HS3ST1: variants seen among roughly 807,000 people sequenced by gnomAD.
The protein encoded by HS3ST1 is heparan sulfate-glucosamine 3-sulfotransferase 1, also known as heparan sulfate glucosamine 3-O-sulfotransferase 1.
Under a neutral mutation model 20.7 loss-of-function variants are expected in HS3ST1, and 8 were observed. The ratio of observed to expected loss-of-function variants is 0.39; its 90% CI spans 0.23 to 0.70. The LOEUF is 0.70. HS3ST1 is among the 30% of genes least tolerant of loss of function. The pLI is 0.46. For missense variants in HS3ST1, 436 were observed against 423.4 expected (o/e 1.03, Z -0.26); for synonymous variants, 205 against 190.4 (o/e 1.08, Z -0.63).
chr4:11,409,583 A>G (rs1718563614), intron 1 of HS3ST1, among the ~76,000 whole-genome samples: 1 of 152,238 alleles, frequency 6.6e-6, no homozygotes, highest in East Asian at 1.9e-4. Flanking sequence ...GGTTTCATGA[A>G]GAACCACTTC....
chr4:11,423,209 C>T (rs1284874257), intron 1 of HS3ST1, among the ~76,000 whole-genome samples: 4 of 151,928 alleles, frequency 2.6e-5, no homozygotes, highest in African/African-American at 7.3e-5. Context: ...TGGTTTTGTT[C>T]ATCAATGTAC....
In HS3ST1 at chr4:11,418,463, G is replaced by C. The variant is rs142953391; in HGVS notation, c.-109+10236C>G. On this transcript the variant is annotated intron_variant, in intron 1 of 1. Coordinates refer to ENST00000002596, the MANE Select transcript of HS3ST1 (RefSeq NM_005114.4). ...AGATAAGGCGACAAAGGTTCGATGAGGCAAAGTCATTTCCCTGTCATCAAA... is the reference window on the plus strand; with the variant it reads ...AGATAAGGCGACAAAGGTTCGATGACGCAAAGTCATTTCCCTGTCATCAAA... Among the ~76,000 whole-genome samples the C allele has an allele frequency of 1.7e-3, 264 of 152,288 alleles. 1 individual carries two copies. The highest frequency in any genetic ancestry group is 3.1e-3 in the Non-Finnish European group (208 of 68,028).
At position 11,393,320 on chromosome 4, in the gene HS3ST1, C is replaced by A. The variant is rs934061537; in HGVS notation, c.*5762G>T. On this transcript the variant is annotated 3_prime_UTR_variant, in exon 2 of 2. Transcript: ENST00000002596. ...GTAGTCCGATAAGCTAATAAAAGAG[C>A]CTACTACTTGGTAACAATTTCAGCC... 1 of 152,178 alleles carries A rather than the reference C, an allele frequency of 6.6e-6. No homozygotes were observed. Among genetic ancestry groups the A allele is most frequent in the African/African-American group, 2.4e-5 (1 of 41,438 alleles). 9.4% of individuals were successfully genotyped at this position (152,178 alleles called of 1,614,324 possible). A position where few individuals can be genotyped will look rare whatever the true frequency, so the allele number is the denominator to read the frequency against.
At chr4:11,416,231 C>T (rs1718778229) in intron 1 of HS3ST1, among the ~76,000 whole-genome samples, 2 of 152,168 alleles carry the variant, frequency 1.3e-5, no homozygotes, top group Admixed American at 1.3e-4. Flanking sequence ...TTCTGTTTAT[C>T]ATAGTGGTAC....
At chr4:11,420,500 C>T (rs919178035) in intron 1 of HS3ST1, among the ~76,000 whole-genome samples, 3 of 152,200 alleles carry the variant, frequency 2.0e-5, no homozygotes, top group Non-Finnish European at 4.4e-5. Flanking sequence ...CAGTGGAACG[C>T]TGTGTGACGC....
At chr4:11,403,539 T>C (rs1231575116) in intron 1 of HS3ST1, among the ~76,000 whole-genome samples, 1 of 152,220 alleles carries the variant, frequency 6.6e-6, no homozygotes, top group Non-Finnish European at 1.5e-5. Flanking sequence ...GACTTTTGGC[T>C]CCAGAAGTCC....
At chr4:11,427,410 C>G (rs1560238969) in intron 1 of HS3ST1, among the ~76,000 whole-genome samples, 1 of 152,036 alleles carries the variant, frequency 6.6e-6, no homozygotes, top group Non-Finnish European at 1.5e-5. Context: ...TCCTTCCGTT[C>G]TCGGCCACCC....
At position 11,417,147 on chromosome 4, in the gene HS3ST1, A is replaced by G. The variant is rs528564122; in HGVS notation, c.-109+11552T>C. Reference sequence around the variant, plus strand: ...TTTGGTACTACTTTCATTATTTAAAAAAACAAAAACTGAAAGGACAGCCAG... The same window carrying G: ...TTTGGTACTACTTTCATTATTTAAAGAAACAAAAACTGAAAGGACAGCCAG... On this transcript the variant is annotated intron_variant, in intron 1 of 1. Coordinates refer to ENST00000002596, the MANE Select transcript of HS3ST1 (RefSeq NM_005114.4). 3.3e-5 allele frequency among the ~76,000 whole-genome samples: 5 copies of G among 152,324 alleles called. No individual in the cohort carries two copies. In the East Asian group the frequency reaches 9.6e-4, roughly 29 times the overall value.
At chr4:11,404,757 A>G (rs906632777) in intron 1 of HS3ST1, among the ~76,000 whole-genome samples, 3 of 152,208 alleles carry the variant, frequency 2.0e-5, no homozygotes, top group Non-Finnish European at 4.4e-5. Context: ...AGAATTCTCT[A>G]TAGCACCTGG....
chr4:11,431,641 A>G (rs1338993665), upstream of HS3ST1, among the ~76,000 whole-genome samples: 1 of 152,202 alleles, frequency 6.6e-6, no homozygotes, highest in African/African-American at 2.4e-5. Context: ...ACGCACAGAC[A>G]TGAGTTAACA....
At chr4:11,405,432 T>G (rs886790083) in intron 1 of HS3ST1, among the ~76,000 whole-genome samples, 2 of 152,182 alleles carry the variant, frequency 1.3e-5, no homozygotes, top group African/African-American at 2.4e-5. Context: ...TCCCTTGCAC[T>G]TGGAATTAAA....
upstream of HS3ST1, among the ~76,000 whole-genome samples, chr4:11,433,612 T>A (rs556846135): frequency 2.0e-5 from 3 of 152,098 alleles, no homozygotes; most frequent in South Asian, 6.2e-4. Context: ...TTTTGATGAG[T>A]CGGTCTTAAT....
intron 1 of HS3ST1, among the ~76,000 whole-genome samples, chr4:11,424,037 G>GAA (rs543945093): frequency 1.4e-4 from 16 of 112,908 alleles, no homozygotes; most frequent in East Asian, 5.3e-4. Flanking sequence ...AGTCTATCTT[G>GAA]AAAAAAAAAA....
intron 1 of HS3ST1, among the ~76,000 whole-genome samples, chr4:11,419,518 T>G (rs775074065): frequency 1.3e-5 from 2 of 152,120 alleles, no homozygotes; most frequent in African/African-American, 4.8e-5. Flanking sequence ...GACAAATAGC[T>G]GATGCATGCG....
chr4:11,432,593 C>T (rs561505326), upstream of HS3ST1, among the ~76,000 whole-genome samples: 2 of 152,276 alleles, frequency 1.3e-5, no homozygotes, highest in African/African-American at 4.8e-5. Flanking sequence ...TGCCACTATC[C>T]ACAGAGCCAG....
At chr4:11,422,358 G>A (rs561030414) in intron 1 of HS3ST1, among the ~76,000 whole-genome samples, 21 of 152,188 alleles carry the variant, frequency 1.4e-4, no homozygotes, top group Non-Finnish European at 2.9e-4. Flanking sequence ...CACTGCCCCT[G>A]CTCTCCTGGA....
intron 1 of HS3ST1, among the ~76,000 whole-genome samples, chr4:11,423,490 T>C (rs1718988089): frequency 6.6e-6 from 1 of 152,218 alleles, no homozygotes; most frequent in Non-Finnish European, 1.5e-5. Flanking sequence ...CACTTTCCTC[T>C]AGTTTTTATT....
intron 1 of HS3ST1, among the ~76,000 whole-genome samples, chr4:11,405,552 T>G (rs768125736): frequency 5.9e-5 from 9 of 152,174 alleles, no homozygotes; most frequent in Non-Finnish European, 1.0e-4. Flanking sequence ...TACTAGACAT[T>G]TTGTTTGCTG....
In HS3ST1 at chr4:11,402,599, G is replaced by T. The variant is rs1403378926; in HGVS notation, c.-108-2486C>A. On this transcript the variant is annotated intron_variant, in intron 1 of 1. Coordinates refer to ENST00000002596, the MANE Select transcript of HS3ST1 (RefSeq NM_005114.4). ...CATGCATGTGTGTGTGTGTGTGCAGGTATAACAGGTAGGTCAAGTGAGAGA... is the reference window on the plus strand; with the variant it reads ...CATGCATGTGTGTGTGTGTGTGCAGTTATAACAGGTAGGTCAAGTGAGAGA... Among the ~76,000 whole-genome samples, 4 of 152,128 alleles carry T rather than the reference G, an allele frequency of 2.6e-5. No homozygotes were observed. In the East Asian group the frequency reaches 7.7e-4, roughly 29 times the overall value.
Sources: gnomAD v4.1 joint callset for allele counts (sites outside exome capture counted in the v4.1 genomes callset) on GRCh38, gnomAD v4.1.1 for gene constraint, MANE v1.5 for transcripts, NCBI Gene and HGNC (gene_info 2026-07-23, HGNC 2026-07-21) for gene names.